Variants in RIPOR3 observed in about 807,000 individuals in gnomAD.
The protein encoded by RIPOR3 is family with sequence similarity 65 member C.
Under a neutral mutation model 114.3 loss-of-function variants are expected in RIPOR3, and 95 were observed. That is an observed-to-expected ratio of 0.83 (90% CI 0.70 to 0.99). The LOEUF (loss-of-function observed/expected upper bound fraction) is 0.99. RIPOR3 is among the 50% of genes least tolerant of loss of function. The probability of loss-of-function intolerance (pLI) is 0.00; values close to 1 mark genes in which losing one functional copy is unlikely to be tolerated. For synonymous variants in RIPOR3, 575 were observed against 543.8 expected, an observed-to-expected ratio of 1.06 and a Z score of -0.80; for missense variants, 1,252 against 1,266.9, an observed-to-expected ratio of 0.99 and a Z score of 0.18.
chr20:50,602,003 G>A lies in RIPOR3; in HGVS notation c.1659+69C>T, dbSNP rs2083511607. The A allele has an allele frequency of 7.1e-7, 1 of 1,400,782 alleles. No homozygotes were observed. The highest frequency in any genetic ancestry group is 9.4e-7 in the Non-Finnish European group (1 of 1,067,844). 86.8% of individuals were successfully genotyped at this position (1,400,782 alleles called of 1,614,324 possible). A position where few individuals can be genotyped will look rare whatever the true frequency, so the allele number is the denominator to read the frequency against. On this transcript the variant is annotated intron_variant, in intron 13 of 21. Coordinates refer to ENST00000327979, the MANE Select transcript of RIPOR3 (RefSeq NM_001290268.2). This position sits in a 1 kb window ranked among gnomAD's most constrained non-coding sequence, Gnocchi z 4.3. ...TGTCGGCCCAGGCTGCGTGGCCCCAGAGCCCCCGACTCCCAGTCATCATGC... is the reference window on the plus strand; with the variant it reads ...TGTCGGCCCAGGCTGCGTGGCCCCAAAGCCCCCGACTCCCAGTCATCATGC...
intron 11 of RIPOR3, among the ~76,000 whole-genome samples, chr20:50,606,748 CTG>C (rs2083734666): frequency 6.7e-6 from 1 of 149,958 alleles, no homozygotes; most frequent in East Asian, 2.0e-4. Flanking sequence ...TTCTTTTTCT[CTG>C]AGACTGTCTT....
At chr20:50,609,379 C>A in intron 7 of RIPOR3, 23 bp from the exon 8 acceptor site, 1 of 1,610,784 alleles carries the variant, frequency 6.2e-7, no homozygotes, top group Non-Finnish European at 8.5e-7. Context: ...GGAGGTGGCT[C>A]AGCTGGCTGC....
intron 2 of RIPOR3, among the ~76,000 whole-genome samples, chr20:50,625,867 C>T (rs563898657): frequency 6.6e-6 from 1 of 152,342 alleles, no homozygotes; most frequent in Non-Finnish European, 1.5e-5. Context: ...CTTATTATGT[C>T]AATCATTCAC....
chr20:50,658,035 G>A (rs1363744689), intron 1 of RIPOR3, among the ~76,000 whole-genome samples: 2 of 152,060 alleles, frequency 1.3e-5, no homozygotes, highest in East Asian at 3.9e-4. Context: ...AAAGTACTGG[G>A]ATTACAGGTG....
intron 1 of RIPOR3, chr20:50,636,989 A>G: frequency 1.1e-6 from 1 of 893,614 alleles, no homozygotes; most frequent in Non-Finnish European, 1.3e-6. Context: ...TGTTTATAGG[A>G]GTTTCCAAAA....
intron 1 of RIPOR3, among the ~76,000 whole-genome samples, chr20:50,650,380 G>A (rs896617884): frequency 4.6e-5 from 7 of 152,108 alleles, no homozygotes; most frequent in Non-Finnish European, 7.3e-5. Context: ...TCTGCTCACT[G>A]CAACCTCCAC....
chr20:50,630,469 A>C (rs764056363), intron 2 of RIPOR3, among the ~76,000 whole-genome samples: 1 of 152,128 alleles, frequency 6.6e-6, no homozygotes, highest in Non-Finnish European at 1.5e-5. Flanking sequence ...AGGCAGATCA[A>C]CTTCTGGAGA....
intron 1 of RIPOR3, among the ~76,000 whole-genome samples, chr20:50,685,959 T>G (rs898875208): frequency 9.2e-5 from 14 of 151,728 alleles, no homozygotes; most frequent in African/African-American, 3.1e-4. Flanking sequence ...CAGAATAAAA[T>G]GTATAGAATG....
In RIPOR3 at chr20:50,589,748, C is replaced by A. The variant is rs540553339; in HGVS notation, c.2599G>T (p.Ala867Ser). Residue 867 changes from alanine (A) to serine (S), a missense_variant, in exon 20 of 22, where the codon GCC becomes TCC. By Grantham distance (99) the Ala-to-Ser change is moderately conservative. Coordinates refer to ENST00000327979, the MANE Select transcript of RIPOR3 (RefSeq NM_001290268.2). ...AGCCTTGCGTCGTTCTCTGCCAGGG[C>A]GTTGGTGTAGAACAGCAAAGCCTGG... ...REKALLFYTN[A>S]LAENDARLQQ... The A allele has an allele frequency of 5.0e-6, 8 of 1,613,628 alleles. No homozygotes were observed. The African/African-American group carries it at 1.1e-4, about 22-fold the overall frequency.
chr20:50,620,687 AG>A (rs2084368529), intron 2 of RIPOR3: 1 of 246,840 alleles, frequency 4.1e-6, no homozygotes. Context: ...AAAAATAAGG[AG>A]CCTAGATTTG....
In RIPOR3 at chr20:50,602,631, T is replaced by A. The variant is rs2083545924; in HGVS notation, c.1100A>T (p.Gln367Leu). The A allele has an allele frequency of 2.0e-6, 3 of 1,501,630 alleles. No homozygotes were observed. Among genetic ancestry groups the A allele is most frequent in the Non-Finnish European group, 2.7e-6 (3 of 1,125,306 alleles). The allele number at this position is 1,501,630 out of a possible 1,614,324, so 93.0% of individuals were successfully genotyped here. The change falls in exon 13 of 22, where the codon CAG (glutamine) becomes CTG (leucine). Residue 367 changes from glutamine (Q) to leucine (L), a missense_variant. Gln to Leu is a moderately radical substitution (Grantham distance 113, BLOSUM62 -2). Coordinates refer to ENST00000327979, the MANE Select transcript of RIPOR3 (RefSeq NM_001290268.2). The surrounding 1 kb of genome is among the most constrained non-coding windows in gnomAD (Gnocchi z 4.3). ...CAGCAGCAAGGCCTGCTGTGTTGGC[T>A]GCTGTAGGACAGACTGGAGAGGGGA... ...RERYYLSVLQ[Q>L]PTQQALLLGG...
intron 4 of RIPOR3, among the ~76,000 whole-genome samples, chr20:50,615,594 T>G (rs934175894): frequency 1.3e-5 from 2 of 150,702 alleles, no homozygotes; most frequent in Admixed American, 1.3e-4. Flanking sequence ...AGCTGGGCAT[T>G]GAAGGAACAC....
intron 1 of RIPOR3, among the ~76,000 whole-genome samples, chr20:50,676,062 A>T (rs1199413813): frequency 6.6e-6 from 1 of 152,216 alleles, no homozygotes; most frequent in Non-Finnish European, 1.5e-5. Flanking sequence ...AACAGCGAAG[A>T]TTCCATAAGG....
chr20:50,667,105 A>G (rs975641441), intron 1 of RIPOR3, among the ~76,000 whole-genome samples: 2 of 152,022 alleles, frequency 1.3e-5, no homozygotes, highest in African/African-American at 4.8e-5. Context: ...TTCTTTTTAA[A>G]GCATCAGCAT....
chr20:50,688,895 A>G (rs942926812), intron 1 of RIPOR3, among the ~76,000 whole-genome samples: 2 of 152,156 alleles, frequency 1.3e-5, no homozygotes, highest in African/African-American at 4.8e-5. Context: ...TGGGGGGAGC[A>G]CTGAGGTTCT....
At chr20:50,676,463 G>A (rs1224012042) in intron 1 of RIPOR3, among the ~76,000 whole-genome samples, 1 of 152,016 alleles carries the variant, frequency 6.6e-6, no homozygotes, top group Non-Finnish European at 1.5e-5. Flanking sequence ...ACCATCCTGG[G>A]CAACATAGAG....
intron 1 of RIPOR3, among the ~76,000 whole-genome samples, chr20:50,631,746 GTCTTC>G (rs2084829457): frequency 6.6e-6 from 1 of 152,244 alleles, no homozygotes; most frequent in Non-Finnish European, 1.5e-5. Flanking sequence ...AGCCCTGGCT[GTCTTC>G]TCTTTTTTCC....
At chr20:50,587,354 T>C in intron 21 of RIPOR3, 22 bp from the exon 22 acceptor site, 1 of 1,607,052 alleles carries the variant, frequency 6.2e-7, no homozygotes, top group South Asian at 1.1e-5. Flanking sequence ...AAGGGACCTG[T>C]CAGCGGGTTG....
intron 6 of RIPOR3, 41 bp from the exon 7 acceptor site, chr20:50,609,763 G>T: frequency 7.4e-7 from 1 of 1,354,912 alleles, no homozygotes; most frequent in Non-Finnish European, 9.5e-7. Context: ...CCCACGCGGA[G>T]GGGCGGCCCC....
Sources: gnomAD v4.1 joint callset for allele counts (sites outside exome capture counted in the v4.1 genomes callset) on GRCh38, gnomAD v4.1.1 for gene constraint, Gnocchi (gnomAD v3.1) non-coding constraint, MANE v1.5 for transcripts, NCBI Gene and HGNC (gene_info 2026-07-23, HGNC 2026-07-21) for gene names.